PDS5B: variants seen among roughly 807,000 people sequenced by gnomAD.
PDS5B encodes PDS5 cohesin associated factor B, also known as sister chromatid cohesion protein PDS5 homolog B.
In PDS5B, 51 loss-of-function variants were observed where a neutral mutation model predicts 184.1. The ratio of observed to expected loss-of-function variants is 0.28; its 90% CI spans 0.22 to 0.35. The LOEUF (loss-of-function observed/expected upper bound fraction) is 0.35, where lower values mean the gene tolerates loss of function less well. Among genes scored for constraint, PDS5B ranks in the 10% least tolerant of loss-of-function variants. The pLI is 1.00. For missense variants in PDS5B, 1,180 were observed against 1,723.3 expected (o/e 0.68, Z 5.58); for synonymous variants, 566 against 569.2 (o/e 0.99, Z 0.08).
In PDS5B at chr13:32,734,015, A is replaced by ACACACACACACACACAC. The variant is rs1555312887; in HGVS notation, c.2248-1157_2248-1156insCACACACACACACACAC. On this transcript the variant is annotated intron_variant, in intron 20 of 34. Transcript: ENST00000315596. ...ACACACACACACACACACACACACA[A>ACACACACACACACACAC]ACATATATTTTGTTTTCTTTTTTTT... 9.8e-4 allele frequency among the ~76,000 whole-genome samples: 57 copies of ACACACACACACACACAC among 58,142 alleles called. 1 individual carries two copies. The highest frequency in any genetic ancestry group is 6.4e-3 in the African/African-American group (52 of 8,136). 38.1% of individuals were successfully genotyped at this position (58,142 alleles called of 152,430 possible).
In PDS5B at chr13:32,673,245, A is replaced by G. The variant is rs368975767; in HGVS notation, c.735A>G (p.Lys245=). ...NFFNQVLMLG[K]TSISDLSEHV... The stretch of plus-strand genomic sequence containing the variant: ...TTAATCAGGTTCTGATGCTTGGGAA[A>G]ACATCTATCAGCGATTTGTCAGAGC... Residue 245 remains lysine (K), a synonymous_variant, in exon 8 of 35, where the codon AAA becomes AAG. Transcript: ENST00000315596. The G allele has an allele frequency of 1.9e-5, 30 of 1,613,180 alleles. No individual in the cohort carries two copies. Among genetic ancestry groups the G allele is most frequent in the Non-Finnish European group, 2.4e-5 (28 of 1,179,750 alleles).
At chr13:32,705,724 G>C (rs185807392) in intron 17 of PDS5B, among the ~76,000 whole-genome samples, 23 of 152,226 alleles carry the variant, frequency 1.5e-4, no homozygotes, top group Admixed American at 3.9e-4. Context: ...CTGCCACCCA[G>C]GCTGGAGTGC....
At chr13:32,659,132 C>G in intron 5 of PDS5B, 22 bp from the exon 6 acceptor site, 7 of 1,507,254 alleles carry the variant, frequency 4.6e-6, no homozygotes, top group Non-Finnish European at 6.3e-6. Context: ...GTAATTGAAA[C>G]AAAATCTGTT....
chr13:32,695,035 G>A (rs1414163878), intron 14 of PDS5B, among the ~76,000 whole-genome samples: 2 of 151,778 alleles, frequency 1.3e-5, no homozygotes, highest in African/African-American at 2.4e-5. Context: ...GGTCAATGGA[G>A]CAGTGTTGTT....
intron 1 of PDS5B, among the ~76,000 whole-genome samples, chr13:32,619,933 G>A (rs1296719536): frequency 6.6e-6 from 1 of 151,946 alleles, no homozygotes; most frequent in African/African-American, 2.4e-5. Flanking sequence ...CTCGTAGCTG[G>A]GATTACAGGG....
chr13:32,629,318 G>A (rs2058420461), intron 1 of PDS5B, among the ~76,000 whole-genome samples: 2 of 151,656 alleles, frequency 1.3e-5, no homozygotes, highest in Admixed American at 1.3e-4. Context: ...GAGATCACTG[G>A]CTTTTTGGAT....
At chr13:32,626,649 A>AAG (rs1454670142) in intron 1 of PDS5B, among the ~76,000 whole-genome samples, 1 of 152,106 alleles carries the variant, frequency 6.6e-6, no homozygotes, top group Non-Finnish European at 1.5e-5. Flanking sequence ...GCAGTGAAGA[A>AAG]AGAGTAAAGA....
chr13:32,771,013 T>C, intron 33 of PDS5B: 1 of 369,844 alleles, frequency 2.7e-6, no homozygotes, highest in South Asian at 6.1e-5. Flanking sequence ...GACTTTATGA[T>C]ATCTAAAGAA....
chr13:32,598,319 T>C (rs1405018510), intron 1 of PDS5B, among the ~76,000 whole-genome samples: 1 of 152,070 alleles, frequency 6.6e-6, no homozygotes, highest in East Asian at 1.9e-4. Context: ...GTGATCCACC[T>C]GCCTTGGCCT....
intron 25 of PDS5B, 35 bp from the exon 26 acceptor site, chr13:32,755,807 T>G (rs1278598691): frequency 6.0e-6 from 6 of 1,004,926 alleles, no homozygotes; most frequent in Non-Finnish European, 8.8e-6. Flanking sequence ...TTTTCTTTTG[T>G]TTTTTTTTGT....
At chr13:32,727,011 T>C (rs1952924568) in intron 19 of PDS5B, among the ~76,000 whole-genome samples, 1 of 152,242 alleles carries the variant, frequency 6.6e-6, no homozygotes, top group Non-Finnish European at 1.5e-5. Flanking sequence ...ATTGGTTGTT[T>C]TGAATCCAAT....
At chr13:32,639,175 G>A (rs943432858) in intron 1 of PDS5B, among the ~76,000 whole-genome samples, 3 of 151,912 alleles carry the variant, frequency 2.0e-5, no homozygotes, top group African/African-American at 7.3e-5. Context: ...CTTTCTGTGC[G>A]GTTAGAAACT....
At chr13:32,672,392 C>T (rs547662233) in intron 7 of PDS5B, among the ~76,000 whole-genome samples, 112 of 152,058 alleles carry the variant, frequency 7.4e-4, no homozygotes, top group Non-Finnish European at 1.1e-3. Context: ...TACAGACACA[C>T]ATATACATAT....
At chr13:32,655,372 A>ATT (rs1166180181) in intron 3 of PDS5B, among the ~76,000 whole-genome samples, 14 of 52,282 alleles carry the variant, frequency 2.7e-4, no homozygotes, top group African/African-American at 1.3e-3. Context: ...ATATATATAT[A>ATT]TATTTTTTTT....
chr13:32,632,911 G>A (rs546545768), intron 1 of PDS5B, among the ~76,000 whole-genome samples: 1 of 152,074 alleles, frequency 6.6e-6, no homozygotes, highest in South Asian at 2.1e-4. Context: ...AGACCATCCT[G>A]CCCAACATGG....
At chr13:32,604,799 T>G (rs543632735) in intron 1 of PDS5B, among the ~76,000 whole-genome samples, 1 of 152,242 alleles carries the variant, frequency 6.6e-6, no homozygotes, top group Non-Finnish European at 1.5e-5. Flanking sequence ...GGTTTAGTCT[T>G]GGGAGGGTGT....
intron 11 of PDS5B, 34 bp downstream of exon 11, chr13:32,684,057 C>T (rs367632931): frequency 9.4e-7 from 1 of 1,066,700 alleles, no homozygotes; most frequent in African/African-American, 1.6e-5. Context: ...ACTAAGTTTT[C>T]ATTTTTAATA....
chr13:32,763,085 G>C (rs1444634673), intron 30 of PDS5B, among the ~76,000 whole-genome samples: 1 of 152,040 alleles, frequency 6.6e-6, no homozygotes, highest in African/African-American at 2.4e-5. Context: ...TGTTTAGTGG[G>C]ACTGTTTGCA....
intron 33 of PDS5B, 130 bp from the exon 34 acceptor site, chr13:32,773,059 T>A (rs1039821890): frequency 8.7e-6 from 6 of 686,326 alleles, no homozygotes; most frequent in Non-Finnish European, 1.4e-5. Context: ...ATTAAAGAAA[T>A]GTTCTTGTCT....
Sources: allele counts gnomAD v4.1 joint callset (sites outside exome capture counted in the v4.1 genomes callset), GRCh38; gene constraint gnomAD v4.1.1; transcripts MANE v1.5; gene names NCBI Gene and HGNC (gene_info 2026-07-23, HGNC 2026-07-21).